Variants in CCDC80 observed in about 807,000 individuals in gnomAD.
CCDC80 encodes coiled-coil domain-containing protein 80.
Under a neutral mutation model 78.7 loss-of-function variants are expected in CCDC80, and 49 were observed. The ratio of observed to expected loss-of-function variants is 0.62; its 90% CI spans 0.50 to 0.79. The LOEUF (loss-of-function observed/expected upper bound fraction) is 0.79, where lower values mean the gene tolerates loss of function less well. Ranked by LOEUF, CCDC80 falls within the 30% of genes least tolerant of loss-of-function variation. The pLI, the probability that CCDC80 is intolerant of heterozygous loss-of-function variation, is 0.00. For missense variants in CCDC80, 1,205 were observed against 1,198.6 expected (o/e 1.01, Z -0.08); for synonymous variants, 488 against 447.0 (o/e 1.09, Z -1.16).
intron 4 of CCDC80, among the ~76,000 whole-genome samples, chr3:112,618,717 T>A (rs1233326033): frequency 6.6e-6 from 1 of 152,126 alleles, no homozygotes; most frequent in East Asian, 1.9e-4. Context: ...TAAAACATTG[T>A]TGTTAGAAAA....
At chr3:112,625,462 C>T (rs144046335) in intron 3 of CCDC80, among the ~76,000 whole-genome samples, 86 of 152,244 alleles carry the variant, frequency 5.6e-4, no homozygotes, top group African/African-American at 2.0e-3. Flanking sequence ...TCATATATAG[C>T]TCTATGTATG....
chr3:112,627,578 G>C (rs1257095332), intron 3 of CCDC80, among the ~76,000 whole-genome samples: 1 of 152,180 alleles, frequency 6.6e-6, no homozygotes, highest in African/African-American at 2.4e-5. Context: ...GAAAAGTAAG[G>C]CCATCTGATA....
intron 3 of CCDC80, among the ~76,000 whole-genome samples, chr3:112,622,406 A>G (rs80104504): frequency 1.2e-3 from 177 of 152,312 alleles, no homozygotes; most frequent in African/African-American, 4.0e-3. Flanking sequence ...GCAACTCTAC[A>G]GAAGGACAGA....
intron 5 of CCDC80, among the ~76,000 whole-genome samples, chr3:112,611,581 CATTACCA>C (rs1242169234): frequency 3.3e-5 from 5 of 152,218 alleles, no homozygotes; most frequent in Admixed American, 1.3e-4. Flanking sequence ...ATCTAAGAGG[CATTACCA>C]AAATACAGAC....
chr3:112,618,578 G>A (rs1935799940), intron 4 of CCDC80, among the ~76,000 whole-genome samples: 1 of 152,022 alleles, frequency 6.6e-6, no homozygotes, highest in Non-Finnish European at 1.5e-5. Context: ...TGGATCAGGA[G>A]GCACACTTCT....
At position 112,601,354 on chromosome 3, in the gene CCDC80, A is replaced by G. The variant is rs943888146; in HGVS notation, c.*4063T>C. On this transcript the variant is annotated 3_prime_UTR_variant, in exon 8 of 8. Transcript: ENST00000206423. ...TGTACTTATTAGAATTAATAATAAT[A>G]CTAAAATGATTTGGAGAATTAATGA... is the stretch of plus-strand genomic sequence containing the variant. 6.6e-6 allele frequency: 1 copy of G among 152,248 alleles called. No homozygotes were observed. The highest frequency in any genetic ancestry group is 2.4e-5 in the African/African-American group (1 of 41,458). 9.4% of individuals were successfully genotyped at this position (152,248 alleles called of 1,614,324 possible). A position where few individuals can be genotyped will look rare whatever the true frequency, so the allele number is the denominator to read the frequency against.
chr3:112,640,289 A>T (rs1936316054), intron 1 of CCDC80, 38 bp downstream of exon 1: 2 of 204,022 alleles, frequency 9.8e-6, no homozygotes, highest in Non-Finnish European at 2.0e-5. Context: ...TAAAGAAACA[A>T]ATAAACAGAT....
chr3:112,635,220 C>A (rs1442893520), intron 2 of CCDC80, among the ~76,000 whole-genome samples: 1 of 152,204 alleles, frequency 6.6e-6, no homozygotes, highest in African/African-American at 2.4e-5. Context: ...AAAGACAAAG[C>A]ACTAAGGGTT....
chr3:112,617,144 C>G (rs1474261302), intron 4 of CCDC80, among the ~76,000 whole-genome samples: 4 of 152,172 alleles, frequency 2.6e-5, no homozygotes, highest in African/African-American at 7.2e-5. Context: ...CTAGGTTCAC[C>G]TCTCTACCTT....
intron 5 of CCDC80, among the ~76,000 whole-genome samples, chr3:112,614,038 A>G (rs1040508277): frequency 6.6e-6 from 1 of 152,164 alleles, no homozygotes; most frequent in Non-Finnish European, 1.5e-5. Context: ...TGCAGTTTTT[A>G]GAACATCTGA....
At chr3:112,614,965 A>G (rs1194366491) in intron 5 of CCDC80, among the ~76,000 whole-genome samples, 1 of 152,228 alleles carries the variant, frequency 6.6e-6, no homozygotes, top group Admixed American at 6.5e-5. Flanking sequence ...AAACTAGGGA[A>G]TGAAGGTGAC....
In CCDC80 at chr3:112,609,991, C is replaced by A; in HGVS notation, c.2412G>T (p.Gln804His). 1 of 1,613,594 alleles carries A rather than the reference C, an allele frequency of 6.2e-7. No homozygotes were observed. Among genetic ancestry groups the A allele is most frequent in the Non-Finnish European group, 8.5e-7 (1 of 1,179,820 alleles). The change falls in exon 6 of 8, where the codon CAG becomes CAT. Residue 804 changes from glutamine to histidine, a missense_variant. Gln to His is a conservative substitution (Grantham distance 24, BLOSUM62 0). Coordinates refer to ENST00000206423, the MANE Select transcript of CCDC80 (RefSeq NM_199511.3). ...CTTCCCACTCACCAAAATTGCACGC[C>A]TGACCACTGAGGGCAGAGAGCTGCT... ...YSQQLSALSGQACNFGLRHIT... is the reference protein window; with the variant it reads ...YSQQLSALSGHACNFGLRHIT...
At chr3:112,637,875 G>A (rs1936237810) in intron 2 of CCDC80, among the ~76,000 whole-genome samples, 153 bp downstream of exon 2, 1 of 152,176 alleles carries the variant, frequency 6.6e-6, no homozygotes, top group African/African-American at 2.4e-5. Flanking sequence ...CTGGCCTGCT[G>A]CCCTCTTTTG....
At position 112,600,378 on chromosome 3, in the gene CCDC80, C is replaced by T. The variant is rs1935352934; in HGVS notation, c.*5039G>A. On this transcript the variant is annotated 3_prime_UTR_variant, in exon 8 of 8. Coordinates refer to ENST00000206423, the MANE Select transcript of CCDC80 (RefSeq NM_199511.3). ...CTGGAGAAATGCTTGAAAAAGTAAT[C>T]TCAGGTTGTAAAAAAGAACTATCTT... 1 of 152,188 alleles carries T rather than the reference C, an allele frequency of 6.6e-6. No homozygotes were observed. Among genetic ancestry groups the T allele is most frequent in the African/African-American group, 2.4e-5 (1 of 41,436 alleles). 9.4% of individuals were successfully genotyped at this position (152,188 alleles called of 1,614,324 possible). A position where few individuals can be genotyped will look rare whatever the true frequency, so the allele number is the denominator to read the frequency against.
At chr3:112,615,132 T>G (rs1935708307) in intron 5 of CCDC80, among the ~76,000 whole-genome samples, 1 of 152,218 alleles carries the variant, frequency 6.6e-6, no homozygotes, top group South Asian at 2.1e-4. Flanking sequence ...ACATAGCTAG[T>G]AAGTTACAGA....
At position 112,640,732 on chromosome 3, in the gene CCDC80, C is replaced by T. The variant is rs1441496218; in HGVS notation, c.-417G>A. On this transcript the variant is annotated 5_prime_UTR_variant, in exon 1 of 8. Coordinates refer to ENST00000206423, the MANE Select transcript of CCDC80 (RefSeq NM_199511.3). The stretch of plus-strand genomic sequence containing the variant: ...TGGCGATTTCTGAATCTCACTCTTT[C>T]CCTCTTTAAAGTTCCAGGATCCTTC... 1 of 152,304 alleles carries T rather than the reference C, an allele frequency of 6.6e-6. No homozygotes were observed. The highest frequency in any genetic ancestry group is 1.9e-4 in the East Asian group (1 of 5,198). 9.4% of individuals were successfully genotyped at this position (152,304 alleles called of 1,614,324 possible). A position where few individuals can be genotyped will look rare whatever the true frequency, so the allele number is the denominator to read the frequency against.
At chr3:112,622,032 G>C (rs997581859) in intron 3 of CCDC80, among the ~76,000 whole-genome samples, 1 of 152,192 alleles carries the variant, frequency 6.6e-6, no homozygotes, top group Admixed American at 6.5e-5. Context: ...GAGAGGAGGA[G>C]TGACTTGCTC....
At chr3:112,627,795 C>CA (rs144503579) in intron 3 of CCDC80, among the ~76,000 whole-genome samples, 21 of 148,984 alleles carry the variant, frequency 1.4e-4, no homozygotes, top group Non-Finnish European at 2.7e-4. Context: ...TCTCCCACCC[C>CA]AAAATCAGGT....
At chr3:112,606,076 G>C (rs531875847) in intron 7 of CCDC80, among the ~76,000 whole-genome samples, 17 of 152,298 alleles carry the variant, frequency 1.1e-4, no homozygotes, top group Non-Finnish European at 2.4e-4. Context: ...CACTAACAAG[G>C]ATTATATAGT....
Sources: allele counts gnomAD v4.1 joint callset (sites outside exome capture counted in the v4.1 genomes callset), GRCh38; gene constraint gnomAD v4.1.1; transcripts MANE v1.5; gene names NCBI Gene and HGNC (gene_info 2026-07-23, HGNC 2026-07-21).